The following PHACTR4 variants were observed in gnomAD, a reference collection of about 807,000 sequenced individuals.
The protein encoded by PHACTR4 is protein phosphatase 1, regulatory subunit 124.
In PHACTR4, 51 loss-of-function variants were observed where a neutral mutation model predicts 72.7. That is an observed-to-expected ratio of 0.70 (90% CI 0.56 to 0.89). The LOEUF (loss-of-function observed/expected upper bound fraction) is 0.89, where lower values mean the gene tolerates loss of function less well. Among genes scored for constraint, PHACTR4 ranks in the 40% least tolerant of loss-of-function variants. The pLI, the probability that PHACTR4 is intolerant of heterozygous loss-of-function variation, is 0.00. For synonymous variants in PHACTR4, 255 were observed against 302.5 expected, an observed-to-expected ratio of 0.84 and a Z score of 1.63; for missense variants, 731 against 861.8, an observed-to-expected ratio of 0.85 and a Z score of 1.90.
chr1:28,403,226 C>T (rs112694535), intron 1 of PHACTR4, among the ~76,000 whole-genome samples: 108 of 152,260 alleles, frequency 7.1e-4, no homozygotes, highest in African/African-American at 2.5e-3. Context: ...CAGTATTTGG[C>T]CATAGGGAGA....
intron 10 of PHACTR4, chr1:28,489,859 G>A: frequency 1.9e-6 from 1 of 518,978 alleles, no homozygotes; most frequent in South Asian, 1.4e-5. Flanking sequence ...TGTTCAGTCT[G>A]ACCAATCCAT....
At chr1:28,460,613 A>G (rs1658728421) in intron 4 of PHACTR4, among the ~76,000 whole-genome samples, 1 of 152,078 alleles carries the variant, frequency 6.6e-6, no homozygotes, top group African/African-American at 2.4e-5. Flanking sequence ...GGTTCAAGCA[A>G]TTCTCGTGCC....
rs71672836 is a variant in PHACTR4 at position 28,475,729 on chromosome 1, C to CTTT, written c.1422-366_1422-364dup. ...ATTTATGGTTATTTCAGTCCTTTGT[C>CTTT]TTTTTTTTTTTTTTGAGATAGAATC... On this transcript the variant is annotated intron_variant, in intron 7 of 13. Coordinates refer to ENST00000373839, the MANE Select transcript of PHACTR4 (RefSeq NM_001048183.3). Among the ~76,000 whole-genome samples, 229 of 135,292 alleles carry CTTT rather than the reference C, an allele frequency of 1.7e-3. 4 individuals are homozygous for CTTT. The highest frequency in any genetic ancestry group is 3.9e-3 in the Admixed American group (54 of 13,674). The allele number at this position is 135,292 out of a possible 152,430, so 88.8% of individuals were successfully genotyped here. A position where few individuals can be genotyped will look rare whatever the true frequency, so the allele number is the denominator to read the frequency against.
chr1:28,413,468 C>T (rs1654909862), intron 2 of PHACTR4, among the ~76,000 whole-genome samples: 1 of 152,166 alleles, frequency 6.6e-6, no homozygotes, highest in African/African-American at 2.4e-5. Context: ...CCTAAACCCT[C>T]ATGTCTTCCT....
chr1:28,380,715 A>G (rs1305690902), intron 1 of PHACTR4, among the ~76,000 whole-genome samples: 2 of 152,182 alleles, frequency 1.3e-5, no homozygotes, highest in Non-Finnish European at 2.9e-5. Flanking sequence ...TGGTGTATAC[A>G]TACCACCTTT....
chr1:28,405,035 T>C (rs1654221431), intron 1 of PHACTR4, among the ~76,000 whole-genome samples: 1 of 152,184 alleles, frequency 6.6e-6, no homozygotes, highest in South Asian at 2.1e-4. Context: ...ATAATGGGTG[T>C]AAAGTGTTAT....
Position 28,466,502 on chromosome 1 carries a change from C to G in PHACTR4, c.557C>G (p.Ala186Gly), listed in dbSNP as rs375395051. 1.2e-6 allele frequency: 2 copies of G among 1,614,018 alleles called. No individual in the cohort carries two copies. Among genetic ancestry groups the G allele is most frequent in the African/African-American group, 2.7e-5 (2 of 74,910 alleles). The change falls in exon 6 of 14, where the codon GCA becomes GGA. Residue 186 changes from alanine to glycine, a missense_variant. Physicochemically the swap from Ala to Gly is moderately conservative, Grantham distance 60. Coordinates refer to ENST00000373839, the MANE Select transcript of PHACTR4 (RefSeq NM_001048183.3). ...SSSHEASEGQ[A>G]KDATSSGGTA... ...TCTCATGAAGCAAGTGAAGGGCAAG[C>G]AAAGGATGCCACTTCCTCTGGCGGC...
chr1:28,450,974 CTTTTTTT>C (rs1188704308), intron 2 of PHACTR4, among the ~76,000 whole-genome samples: 4 of 72,076 alleles, frequency 5.5e-5, no homozygotes, highest in African/African-American at 2.1e-4. Context: ...CCACACCCAG[CTTTTTTT>C]TTTTTTTTTT....
At chr1:28,421,095 A>G (rs1440713474) in intron 2 of PHACTR4, among the ~76,000 whole-genome samples, 2 of 152,156 alleles carry the variant, frequency 1.3e-5, no homozygotes, top group Non-Finnish European at 2.9e-5. Flanking sequence ...CAATGTGTTT[A>G]TTACTACAGT....
At chr1:28,429,936 T>C (rs1656129914) in intron 2 of PHACTR4, among the ~76,000 whole-genome samples, 1 of 152,126 alleles carries the variant, frequency 6.6e-6, no homozygotes, top group South Asian at 2.1e-4. Flanking sequence ...ACCATAGTTA[T>C]GATTAGCTCT....
chr1:28,377,593 A>G lies in PHACTR4; in HGVS notation c.-39+7768A>G, dbSNP rs529225955. Among the ~76,000 whole-genome samples, 3 of 152,142 alleles carry G rather than the reference A, an allele frequency of 2.0e-5. No individual in the cohort carries two copies. The East Asian group carries it at 5.8e-4, about 29-fold the overall frequency. On this transcript the variant is annotated intron_variant, in intron 1 of 13. Coordinates refer to ENST00000373839, the MANE Select transcript of PHACTR4 (RefSeq NM_001048183.3). Reference sequence around the variant, plus strand: ...GCCAGGAGTGGTGGCTGCGGCCTGTAATCCTAGGATCATGAGGCCACAAGG... The same window carrying G: ...GCCAGGAGTGGTGGCTGCGGCCTGTGATCCTAGGATCATGAGGCCACAAGG...
At chr1:28,452,193 A>G (rs1395795545) in intron 2 of PHACTR4, among the ~76,000 whole-genome samples, 1 of 152,088 alleles carries the variant, frequency 6.6e-6, no homozygotes, top group East Asian at 1.9e-4. Context: ...TTGGAGATTT[A>G]CAACAATTTG....
intron 13 of PHACTR4, among the ~76,000 whole-genome samples, chr1:28,495,766 G>A (rs1289841180): frequency 2.6e-5 from 4 of 151,658 alleles, no homozygotes; most frequent in African/African-American, 9.7e-5. Context: ...ACAGGCACAG[G>A]CCACCACACC....
chr1:28,488,939 C>A (rs1660872343), intron 9 of PHACTR4, among the ~76,000 whole-genome samples: 1 of 152,140 alleles, frequency 6.6e-6, no homozygotes, highest in Non-Finnish European at 1.5e-5. Context: ...GAACTAGAAT[C>A]CTGGCCACTT....
At chr1:28,482,670 C>A (rs1430350761) in intron 9 of PHACTR4, among the ~76,000 whole-genome samples, 1 of 152,112 alleles carries the variant, frequency 6.6e-6, no homozygotes, top group South Asian at 2.1e-4. Flanking sequence ...CAAGGTGGCT[C>A]ACACCTATAA....
intron 13 of PHACTR4, among the ~76,000 whole-genome samples, chr1:28,496,247 A>G (rs1053733126): frequency 1.3e-5 from 2 of 151,730 alleles, no homozygotes; most frequent in Middle Eastern, 3.4e-3. Flanking sequence ...TAGTAGAGAC[A>G]GGGTTTCACC....
intron 2 of PHACTR4, among the ~76,000 whole-genome samples, chr1:28,417,568 G>C (rs1255556846): frequency 6.6e-6 from 1 of 152,084 alleles, no homozygotes; most frequent in Non-Finnish European, 1.5e-5. Context: ...TTCACCCCTG[G>C]GCAGGACAGA....
intron 3 of PHACTR4, among the ~76,000 whole-genome samples, chr1:28,459,966 T>C (rs1658676510): frequency 6.6e-6 from 1 of 152,244 alleles, no homozygotes; most frequent in African/African-American, 2.4e-5. Context: ...AATAACTTAC[T>C]AATGAAATTT....
intron 13 of PHACTR4, among the ~76,000 whole-genome samples, chr1:28,493,403 T>C (rs1015483422): frequency 1.3e-5 from 2 of 152,070 alleles, no homozygotes; most frequent in African/African-American, 2.4e-5. Flanking sequence ...CTGGGCCTGG[T>C]AGCAGGCGCC....
Sources: allele counts gnomAD v4.1 joint callset (sites outside exome capture counted in the v4.1 genomes callset), GRCh38; gene constraint gnomAD v4.1.1; transcripts MANE v1.5; gene names NCBI Gene and HGNC (gene_info 2026-07-23, HGNC 2026-07-21).